CYP7A1: variants seen among roughly 807,000 people sequenced by gnomAD.
CYP7A1 encodes the protein cytochrome P450 7A1.
In CYP7A1, 28 loss-of-function variants were observed where a neutral mutation model predicts 43.8. The observed-to-expected ratio is 0.64, with a 90% CI of 0.47 to 0.88. The LOEUF (loss-of-function observed/expected upper bound fraction) is 0.88, where lower values mean the gene tolerates loss of function less well. Among genes scored for constraint, CYP7A1 ranks in the 40% least tolerant of loss-of-function variants. The probability of loss-of-function intolerance (pLI) is 0.00; values close to 1 mark genes in which losing one functional copy is unlikely to be tolerated. For missense variants in CYP7A1, 637 were observed against 611.9 expected (o/e 1.04, Z -0.43); for synonymous variants, 227 against 222.5 (o/e 1.02, Z -0.18).
chr8:58,496,714 A>G lies in CYP7A1; in HGVS notation c.798T>C (p.Thr266=), dbSNP rs757763336. ...TCTCCAGATCATCAAAGGTGGACAA[A>G]GTGTCATTGAGAAACATGCGCAGGC... The part of the protein sequence containing the change: ...LISLRMFLND[T]LSTFDDLEKA... Residue 266 remains threonine (T), a synonymous_variant, in exon 3 of 6, where the codon ACT becomes ACC. Coordinates refer to ENST00000301645, the MANE Select transcript of CYP7A1 (RefSeq NM_000780.4). 1 of 1,614,206 alleles carries G rather than the reference A, an allele frequency of 6.2e-7. No individual in the cohort carries two copies. Among genetic ancestry groups the G allele is most frequent in the Non-Finnish European group, 8.5e-7 (1 of 1,180,032 alleles).
intron 1 of CYP7A1, 134 bp from the exon 2 acceptor site, chr8:58,498,603 G>A (rs1809485190): frequency 3.3e-6 from 3 of 899,558 alleles, no homozygotes; most frequent in Non-Finnish European, 5.3e-6. Context: ...TTTGTTGGAT[G>A]GGCCCTGCTC....
Position 58,491,306 on chromosome 8 carries a change from G to T in CYP7A1, c.*169C>A. ...CTAGCAGAGTCTGTGATAGCATCTGGAAACTGTCACCAAAATGTTAAGATT... is the reference window on the plus strand; with the variant it reads ...CTAGCAGAGTCTGTGATAGCATCTGTAAACTGTCACCAAAATGTTAAGATT... On this transcript the variant is annotated 3_prime_UTR_variant, in exon 6 of 6. Transcript: ENST00000301645. The T allele has an allele frequency of 1.5e-6, 1 of 663,386 alleles. No homozygotes were observed. Among genetic ancestry groups the T allele is most frequent in the Non-Finnish European group, 2.6e-6 (1 of 382,366 alleles). The allele number at this position is 663,386 out of a possible 1,614,324, so 41.1% of individuals were successfully genotyped here.
At chr8:58,496,556 C>T in intron 3 of CYP7A1, 48 bp downstream of exon 3, 1 of 1,487,012 alleles carries the variant, frequency 6.7e-7, no homozygotes, top group African/African-American at 1.4e-5. Context: ...GGTTTAATTT[C>T]TACTTTCTAC....
At chr8:58,492,324 A>T in intron 5 of CYP7A1, 29 bp downstream of exon 5, 1 of 1,559,750 alleles carries the variant, frequency 6.4e-7, no homozygotes, top group Non-Finnish European at 8.8e-7. Flanking sequence ...TATCACCTGG[A>T]TATTGAATTT....
rs1344308156 is a variant in CYP7A1 at position 58,490,810 on chromosome 8, A to T, written c.*665T>A. ...AGTTGAAAAATATTTCCTTTTTATT[A>T]AAAGACATAACTAATCATAATCATT... On this transcript the variant is annotated 3_prime_UTR_variant, in exon 6 of 6. Transcript: ENST00000301645. 3 of 152,232 alleles carry T rather than the reference A, an allele frequency of 2.0e-5. No homozygotes were observed. Among genetic ancestry groups the T allele is most frequent in the Non-Finnish European group, 2.9e-5 (2 of 68,040 alleles). 9.4% of individuals were successfully genotyped at this position (152,232 alleles called of 1,614,324 possible).
chr8:58,492,039 G>T (rs1809359807), intron 5 of CYP7A1, among the ~76,000 whole-genome samples: 1 of 152,002 alleles, frequency 6.6e-6, no homozygotes, highest in Admixed American at 6.6e-5. Flanking sequence ...GAAGAAACTA[G>T]AATAATCAAT....
chr8:58,491,273 T>G lies in CYP7A1; in HGVS notation c.*202A>C. 1 of 590,536 alleles carries G rather than the reference T, an allele frequency of 1.7e-6. No individual in the cohort carries two copies. The highest frequency in any genetic ancestry group is 3.0e-6 in the Non-Finnish European group (1 of 333,434). 36.6% of individuals were successfully genotyped at this position (590,536 alleles called of 1,614,324 possible). A position where few individuals can be genotyped will look rare whatever the true frequency, so the allele number is the denominator to read the frequency against. ...AATTATTGTGCTCCTAGAAACTAGTTCTTTTCACTAGCAGAGTCTGTGATA... is the reference window on the plus strand; with the variant it reads ...AATTATTGTGCTCCTAGAAACTAGTGCTTTTCACTAGCAGAGTCTGTGATA... On this transcript the variant is annotated 3_prime_UTR_variant, in exon 6 of 6. Coordinates refer to ENST00000301645, the MANE Select transcript of CYP7A1 (RefSeq NM_000780.4).
chr8:58,492,577 G>C, intron 4 of CYP7A1, 49 bp from the exon 5 acceptor site: 5 of 1,478,368 alleles, frequency 3.4e-6, no homozygotes, highest in Non-Finnish European at 4.7e-6. Flanking sequence ...AAGGAAGGGA[G>C]GAAGGAAGAG....
intron 1 of CYP7A1, 36 bp downstream of exon 1, chr8:58,499,983 A>T (rs1207788439): frequency 6.5e-7 from 1 of 1,547,836 alleles, no homozygotes; most frequent in African/African-American, 1.4e-5. Context: ...TAAATGGATG[A>T]ATCAAAGAGC....
In CYP7A1 at chr8:58,491,663, T is replaced by C. The variant is rs552280210; in HGVS notation, c.1327A>G (p.Ile443Val). Reference sequence around the variant, plus strand: ...ATAGCGAACAATCTTCCAGGACATATTGTAGCTCCCGATCCAAAGGGCATG... The same window carrying C: ...ATAGCGAACAATCTTCCAGGACATACTGTAGCTCCCGATCCAAAGGGCATG... ...YYMPFGSGAT[I>V]CPGRLFAIHE... is the part of the protein sequence containing the mutation. The change falls in exon 6 of 6, where the codon ATA becomes GTA. Residue 443 changes from isoleucine (I) to valine (V), a missense_variant. Ile to Val is a conservative substitution (Grantham distance 29, BLOSUM62 3). Transcript: ENST00000301645. The C allele has an allele frequency of 3.7e-6, 6 of 1,614,154 alleles. No individual in the cohort carries two copies. Among genetic ancestry groups the C allele is most frequent in the African/African-American group, 1.3e-5 (1 of 75,048 alleles).
intron 4 of CYP7A1, among the ~76,000 whole-genome samples, chr8:58,493,669 A>C (rs1809392962): frequency 6.6e-6 from 1 of 152,204 alleles, no homozygotes; most frequent in Admixed American, 6.5e-5. Flanking sequence ...TCCTTAAAGA[A>C]AATAACCAAA....
chr8:58,492,689 C>G (rs1293283975), intron 4 of CYP7A1, among the ~76,000 whole-genome samples, 161 bp from the exon 5 acceptor site: 1 of 152,198 alleles, frequency 6.6e-6, no homozygotes, highest in African/African-American at 2.4e-5. Context: ...GGAAGCTGAT[C>G]AGATAAAAAT....
chr8:58,496,814 T>C lies in CYP7A1; in HGVS notation c.698A>G (p.Asn233Ser), dbSNP rs8192874. 834 of 1,614,188 alleles carry C rather than the reference T, an allele frequency of 5.2e-4. 11 individuals carry two copies. In the East Asian group the frequency reaches 0.017, roughly 34 times the overall value. The change falls in exon 3 of 6, where the codon AAT becomes AGT. Residue 233 changes from asparagine to serine, a missense_variant. By Grantham distance (46) the Asn-to-Ser change is conservative. Coordinates refer to ENST00000301645, the MANE Select transcript of CYP7A1 (RefSeq NM_000780.4). ...LPIHMFRTAH[N>S]AREKLAESLR... The stretch of plus-strand genomic sequence containing the variant: ...GCTCTCTGCCAGTTTCTCCCGGGCA[T>C]TGTGCGCAGTCCTGAACATGTGAAT...
At chr8:58,494,901 C>G (rs773614507) in intron 3 of CYP7A1, among the ~76,000 whole-genome samples, 10 of 151,922 alleles carry the variant, frequency 6.6e-5, no homozygotes, top group Non-Finnish European at 1.3e-4. Context: ...TTTGGGAGGC[C>G]GAGGCGGGCG....
chr8:58,496,721 T>C lies in CYP7A1; in HGVS notation c.791A>G (p.Asn264Ser), dbSNP rs151320685. 9.9e-6 allele frequency: 16 copies of C among 1,614,134 alleles called. No homozygotes were observed. The highest frequency in any genetic ancestry group is 1.3e-5 in the African/African-American group (1 of 74,954). The change falls in exon 3 of 6, where the codon AAT (asparagine) becomes AGT (serine). Residue 264 changes from asparagine (N) to serine (S), a missense_variant. By Grantham distance (46) the Asn-to-Ser change is conservative. Coordinates refer to ENST00000301645, the MANE Select transcript of CYP7A1 (RefSeq NM_000780.4). ...ATCATCAAAGGTGGACAAAGTGTCATTGAGAAACATGCGCAGGCTGATCAG... is the reference window on the plus strand; with the variant it reads ...ATCATCAAAGGTGGACAAAGTGTCACTGAGAAACATGCGCAGGCTGATCAG... The part of the protein sequence containing the change: ...SELISLRMFL[N>S]DTLSTFDDLE...
intron 3 of CYP7A1, among the ~76,000 whole-genome samples, chr8:58,495,286 C>G (rs967425544): frequency 1.4e-5 from 2 of 141,614 alleles, no homozygotes; most frequent in African/African-American, 5.5e-5. Context: ...AGTGCAGGGG[C>G]GCAATCTTGG....
chr8:58,495,375 G>A (rs1365118529), intron 3 of CYP7A1, among the ~76,000 whole-genome samples: 5 of 151,610 alleles, frequency 3.3e-5, no homozygotes, highest in East Asian at 4.0e-4. Flanking sequence ...ACAGGCGCCC[G>A]CCACCACGCC....
rs144368361 is a variant in CYP7A1, at chr8:58,495,142, A to T, written c.909-506T>A. On this transcript the variant is annotated intron_variant, in intron 3 of 5. Transcript: ENST00000301645. Reference sequence around the variant, plus strand: ...GAGCAAGACTCTGTCTCGAAAAAAAAAATAATAATAATAATTAAAAAATGG... The same window carrying T: ...GAGCAAGACTCTGTCTCGAAAAAAATAATAATAATAATAATTAAAAAATGG... 1.7e-3 allele frequency among the ~76,000 whole-genome samples: 260 copies of T among 151,806 alleles called. 6 individuals carry two copies. In the East Asian group the frequency reaches 0.038, roughly 22 times the overall value.
chr8:58,498,179 TA>T, intron 2 of CYP7A1, 49 bp downstream of exon 2: 3 of 1,606,250 alleles, frequency 1.9e-6, no homozygotes, highest in East Asian at 2.2e-5. Context: ...GACAAGCACA[TA>T]AAAAGGTAGA....
Sources: gnomAD v4.1 joint callset for allele counts (sites outside exome capture counted in the v4.1 genomes callset) on GRCh38, gnomAD v4.1.1 for gene constraint, MANE v1.5 for transcripts, NCBI Gene and HGNC (gene_info 2026-07-23, HGNC 2026-07-21) for gene names.